PAQR8: variants seen among roughly 807,000 people sequenced by gnomAD.
PAQR8 encodes the protein progestin and adipoQ receptor family member 8, also known as membrane progestin receptor beta.
A neutral mutation model predicts 25.2 loss-of-function variants in PAQR8; 17 were observed. The ratio of observed to expected loss-of-function variants is 0.67; its 90% CI spans 0.46 to 1.01. PAQR8 has a LOEUF of 1.01. Among genes scored for constraint, PAQR8 ranks in the 50% least tolerant of loss-of-function variants. The probability of loss-of-function intolerance (pLI) is 0.00; values close to 1 mark genes in which losing one functional copy is unlikely to be tolerated. For synonymous variants in PAQR8, 204 were observed against 190.6 expected (o/e 1.07, Z -0.58); for missense variants, 392 against 448.4 (o/e 0.87, Z 1.14).
intron 1 of PAQR8, among the ~76,000 whole-genome samples, chr6:52,373,856 A>G (rs1269504992): frequency 6.6e-6 from 1 of 152,048 alleles, no homozygotes; most frequent in Non-Finnish European, 1.5e-5. Flanking sequence ...GCTAGTTGAT[A>G]CGGTTTAGAT....
chr6:52,390,878 A>G (rs2113946391), intron 1 of PAQR8, among the ~76,000 whole-genome samples: 1 of 152,276 alleles, frequency 6.6e-6, no homozygotes, highest in South Asian at 2.1e-4. Flanking sequence ...GGGTCTTAAT[A>G]TTTTACCAAC....
At chr6:52,395,275 A>G (rs1232311462) in intron 1 of PAQR8, among the ~76,000 whole-genome samples, 1 of 140,708 alleles carries the variant, frequency 7.1e-6, no homozygotes, top group East Asian at 1.9e-4. Flanking sequence ...TTCGTCTCAA[A>G]AAAAAAAAAA....
chr6:52,369,660 G>A (rs1042149299), intron 1 of PAQR8, among the ~76,000 whole-genome samples: 1 of 152,132 alleles, frequency 6.6e-6, no homozygotes, highest in East Asian at 1.9e-4. Flanking sequence ...AATGACTGTT[G>A]GTGAAAACTA....
chr6:52,398,849 C>T (rs893629067), intron 1 of PAQR8, among the ~76,000 whole-genome samples: 1 of 152,222 alleles, frequency 6.6e-6, no homozygotes, highest in Non-Finnish European at 1.5e-5. Context: ...GCCACTGTCC[C>T]TGGCTGGGAA....
intron 1 of PAQR8, among the ~76,000 whole-genome samples, chr6:52,386,090 A>G (rs1237892363): frequency 2.6e-5 from 4 of 152,208 alleles, no homozygotes; most frequent in African/African-American, 9.6e-5. Context: ...AAACATATGA[A>G]AAAATGCTCA....
At chr6:52,389,239 C>T (rs1485414241) in intron 1 of PAQR8, among the ~76,000 whole-genome samples, 3 of 152,186 alleles carry the variant, frequency 2.0e-5, no homozygotes, top group Non-Finnish European at 4.4e-5. Flanking sequence ...CCCACATTTT[C>T]GTTTTCTTAG....
intron 1 of PAQR8, chr6:52,373,517 T>C (rs1001168593): frequency 2.6e-5 from 4 of 152,270 alleles, no homozygotes; most frequent in Admixed American, 2.6e-4. Flanking sequence ...CGGAATCACA[T>C]GCCTCTCTCC....
intron 1 of PAQR8, among the ~76,000 whole-genome samples, chr6:52,379,090 C>CT (rs150863330): frequency 0.16 from 14,796 of 94,136 alleles, 1,250 homozygotes; most frequent in East Asian, 0.51. Flanking sequence ...AAGCAATACT[C>CT]TTTATCAAAA....
Position 52,374,305 on chromosome 6 carries a change from A to G in PAQR8, c.-53+12056A>G, listed in dbSNP as rs559170412. ...GGTTCTCCATTTTTCCTATCAAAAC[A>G]TCACATTGACTTTCCTGCTTAATAG... On this transcript the variant is annotated intron_variant, in intron 1 of 1. Transcript: ENST00000442253. 6.6e-5 allele frequency among the ~76,000 whole-genome samples: 10 copies of G among 152,336 alleles called. No homozygotes were observed. The South Asian group carries it at 2.1e-3, about 32-fold the overall frequency.
At chr6:52,375,779 C>T (rs1033431858) in intron 1 of PAQR8, among the ~76,000 whole-genome samples, 5 of 152,218 alleles carry the variant, frequency 3.3e-5, no homozygotes, top group African/African-American at 1.2e-4. Flanking sequence ...CTGCCTTGGC[C>T]TTCCAAAGCA....
At chr6:52,395,272 C>CAAAAA (rs34239055) in intron 1 of PAQR8, among the ~76,000 whole-genome samples, 15 of 93,416 alleles carry the variant, frequency 1.6e-4, no homozygotes, top group Non-Finnish European at 2.1e-4. Context: ...GACTTCGTCT[C>CAAAAA]AAAAAAAAAA....
intron 1 of PAQR8, among the ~76,000 whole-genome samples, chr6:52,374,384 C>T (rs1429992456): frequency 6.6e-6 from 1 of 152,116 alleles, no homozygotes; most frequent in Admixed American, 6.5e-5. Flanking sequence ...CTTTCCTCCT[C>T]CTCCCCTCCC....
intron 1 of PAQR8, among the ~76,000 whole-genome samples, chr6:52,363,533 G>A (rs1442125189): frequency 2.0e-5 from 3 of 152,188 alleles, no homozygotes; most frequent in Admixed American, 6.5e-5. Context: ...CCAGTACTCT[G>A]AGAAGCTGTT....
intron 1 of PAQR8, among the ~76,000 whole-genome samples, chr6:52,401,198 A>G (rs1429637235): frequency 6.6e-6 from 1 of 152,142 alleles, no homozygotes; most frequent in Admixed American, 6.5e-5. Flanking sequence ...CTCTTCCAAT[A>G]TTGATTGAGA....
intron 1 of PAQR8, among the ~76,000 whole-genome samples, chr6:52,382,298 C>T (rs1562430084): frequency 6.6e-6 from 1 of 152,178 alleles, no homozygotes; most frequent in Non-Finnish European, 1.5e-5. Context: ...GGTTTTCTGA[C>T]AGGAAGCTAT....
Position 52,405,030 on chromosome 6 carries a change from CA to C in PAQR8, c.*753del, listed in dbSNP as rs1017443209. On this transcript the variant is annotated 3_prime_UTR_variant, in exon 2 of 2. Transcript: ENST00000442253. Reference sequence around the variant, plus strand: ...CTAATCTAAACAGTACTAGAAATTACAGTGCCAAGAGCCACCAGGAGGCCCA... The same window carrying C: ...CTAATCTAAACAGTACTAGAAATTACGTGCCAAGAGCCACCAGGAGGCCCA... The C allele has an allele frequency of 1.2e-5, 2 of 167,078 alleles. No homozygotes were observed. The highest frequency in any genetic ancestry group is 2.9e-5 in the Non-Finnish European group (2 of 68,146). 10.3% of individuals were successfully genotyped at this position (167,078 alleles called of 1,614,324 possible).
rs756274409 is a variant in PAQR8 at position 52,403,364 on chromosome 6, A to G, written c.151A>G (p.Ile51Val). 1.2e-6 allele frequency: 2 copies of G among 1,614,236 alleles called. No individual in the cohort carries two copies. Among genetic ancestry groups the G allele is most frequent in the South Asian group, 1.1e-5 (1 of 91,092 alleles). Reference sequence around the variant, plus strand: ...GCCCCAGCTCTTCCGGGAGCCTTACATCCGCACCGGCTACCGCCCCACGGG... The same window carrying G: ...GCCCCAGCTCTTCCGGGAGCCTTACGTCCGCACCGGCTACCGCCCCACGGG... ...DVPQLFREPYIRTGYRPTGHE... is the reference protein window; with the variant it reads ...DVPQLFREPYVRTGYRPTGHE... The change falls in exon 2 of 2, where the codon ATC (isoleucine) becomes GTC (valine). Residue 51 changes from isoleucine (I) to valine (V), a missense_variant. Physicochemically the swap from Ile to Val is conservative, Grantham distance 29. Coordinates refer to ENST00000442253, the MANE Select transcript of PAQR8 (RefSeq NM_133367.5).
intron 1 of PAQR8, among the ~76,000 whole-genome samples, chr6:52,395,665 G>T (rs1394248776): frequency 6.6e-6 from 1 of 152,168 alleles, no homozygotes; most frequent in African/African-American, 2.4e-5. Flanking sequence ...AATACGTGTG[G>T]ATAGATTTAT....
intron 1 of PAQR8, among the ~76,000 whole-genome samples, chr6:52,372,590 T>G (rs183827485): frequency 5.3e-4 from 80 of 152,232 alleles, no homozygotes; most frequent in Non-Finnish European, 9.7e-4. Context: ...GTTTTACATG[T>G]ATTTCTCTCT....
Sources: allele counts gnomAD v4.1 joint callset (sites outside exome capture counted in the v4.1 genomes callset), GRCh38; gene constraint gnomAD v4.1.1; transcripts MANE v1.5; gene names NCBI Gene and HGNC (gene_info 2026-07-23, HGNC 2026-07-21).